PCSK5: variants seen among roughly 807,000 people sequenced by gnomAD.
The protein encoded by PCSK5 is prohormone convertase 5.
In PCSK5, 129 loss-of-function variants were observed where a neutral mutation model predicts 233.2. The observed-to-expected ratio is 0.55, with a 90% confidence interval of 0.48 to 0.64. The LOEUF (loss-of-function observed/expected upper bound fraction) is 0.64, where lower values mean the gene tolerates loss of function less well. Among genes scored for constraint, PCSK5 ranks in the 30% least tolerant of loss-of-function variants. The pLI is 0.00. For missense variants in PCSK5, 2,076 were observed against 2,430.1 expected (o/e 0.85, Z 3.06); for synonymous variants, 825 against 879.2 (o/e 0.94, Z 1.09).
chr9:76,133,694 T>C (rs1564051861), intron 9 of PCSK5, among the ~76,000 whole-genome samples: 1 of 152,052 alleles, frequency 6.6e-6, no homozygotes, highest in Non-Finnish European at 1.5e-5. Context: ...TACCAAACTA[T>C]TCAATGATTA....
chr9:76,263,746 T>G (rs1827253663), intron 24 of PCSK5, among the ~76,000 whole-genome samples: 1 of 151,710 alleles, frequency 6.6e-6, no homozygotes, highest in Admixed American at 6.6e-5. Flanking sequence ...ACCTGCACAT[T>G]GTGCACATGT....
In PCSK5 at chr9:76,189,766, T is replaced by G. The variant is rs1466995757; in HGVS notation, c.2626+20T>G. On this transcript the variant is annotated intron_variant, in intron 20 of 37. Coordinates refer to ENST00000674117, the MANE Select transcript of PCSK5 (RefSeq NM_001372043.1). The stretch of plus-strand genomic sequence containing the variant: ...AGGATGGTGAGTACAACTGCCCATA[T>G]CGATCTTATGAAGCAAAGTATGATC... 8.0e-7 allele frequency: 1 copy of G among 1,250,380 alleles called. No homozygotes were observed. Among genetic ancestry groups the G allele is most frequent in the East Asian group, 2.3e-5 (1 of 43,142 alleles). The allele number at this position is 1,250,380 out of a possible 1,614,324, so 77.5% of individuals were successfully genotyped here.
intron 1 of PCSK5, among the ~76,000 whole-genome samples, chr9:75,899,280 A>G (rs1261242385): frequency 6.6e-6 from 1 of 152,226 alleles, no homozygotes; most frequent in Non-Finnish European, 1.5e-5. Flanking sequence ...AAGGTATACA[A>G]CATGATATTT....
intron 8 of PCSK5, among the ~76,000 whole-genome samples, chr9:76,101,551 T>G (rs1013280273): frequency 6.6e-6 from 1 of 152,208 alleles, no homozygotes; most frequent in African/African-American, 2.4e-5. Context: ...TTAAATTATC[T>G]CTTTCTTTTG....
chr9:76,311,022 G>C (rs1198601620), intron 30 of PCSK5, among the ~76,000 whole-genome samples, 171 bp downstream of exon 30: 1 of 152,080 alleles, frequency 6.6e-6, no homozygotes, highest in Non-Finnish European at 1.5e-5. Flanking sequence ...ACTTACATGA[G>C]GCCAGATGCC....
chr9:76,106,171 A>G (rs947747901), intron 8 of PCSK5, among the ~76,000 whole-genome samples: 1 of 152,192 alleles, frequency 6.6e-6, no homozygotes, highest in Non-Finnish European at 1.5e-5. Context: ...TCTGTAATAT[A>G]TGGTAATATA....
At chr9:76,146,326 TA>T (rs150900509) in intron 10 of PCSK5, among the ~76,000 whole-genome samples, 12 of 150,560 alleles carry the variant, frequency 8.0e-5, no homozygotes, top group Non-Finnish European at 1.5e-4. Flanking sequence ...TTAGCTCTAA[TA>T]AAAAAAAATA....
At chr9:76,063,319 C>CTTTTT (rs1157596601) in intron 5 of PCSK5, among the ~76,000 whole-genome samples, 1,533 of 59,746 alleles carry the variant, frequency 0.026, no homozygotes, top group Non-Finnish European at 0.028. Context: ...TTTCTTTTTT[C>CTTTTT]TTTTTTTTTT....
intron 3 of PCSK5, among the ~76,000 whole-genome samples, chr9:75,988,625 G>T (rs1055387947): frequency 2.0e-5 from 3 of 151,982 alleles, no homozygotes; most frequent in African/African-American, 7.3e-5. Context: ...CTGTATTGCT[G>T]AGCCTGGTCT....
chr9:76,025,762 A>G (rs2131492193), intron 4 of PCSK5, among the ~76,000 whole-genome samples: 1 of 152,282 alleles, frequency 6.6e-6, no homozygotes, highest in East Asian at 1.9e-4. Flanking sequence ...ACTGAAAAAG[A>G]CATAGGGCAG....
intron 5 of PCSK5, among the ~76,000 whole-genome samples, chr9:76,028,468 G>T (rs966808807): frequency 6.6e-6 from 1 of 152,124 alleles, no homozygotes; most frequent in African/African-American, 2.4e-5. Flanking sequence ...GATTGGTCAG[G>T]CTGGAGATGG....
intron 3 of PCSK5, among the ~76,000 whole-genome samples, chr9:76,018,369 C>G (rs987420466): frequency 2.6e-5 from 4 of 152,206 alleles, no homozygotes; most frequent in Admixed American, 2.6e-4. Flanking sequence ...TGATCGCGGC[C>G]TGTTAGGAAC....
At position 75,950,150 on chromosome 9, in the gene PCSK5, G is replaced by T. The variant is rs1303843194; in HGVS notation, c.297+17667G>T. On this transcript the variant is annotated intron_variant, in intron 2 of 37. Transcript: ENST00000674117. Reference sequence around the variant, plus strand: ...ACACACTTGTGTGTGTGTGTGGGGGGGGCGGGGAGGGGGGAACTGCTACAG... The same window carrying T: ...ACACACTTGTGTGTGTGTGTGGGGGTGGCGGGGAGGGGGGAACTGCTACAG... Among the ~76,000 whole-genome samples the T allele has an allele frequency of 7.1e-5, 10 of 141,594 alleles. 1 individual carries two copies. The highest frequency in any genetic ancestry group is 1.2e-4 in the Non-Finnish European group (8 of 64,764). The allele number at this position is 141,594 out of a possible 152,430, so 92.9% of individuals were successfully genotyped here.
rs548856320 is a variant in PCSK5 at position 76,353,668 on chromosome 9, C to T, written c.5068-365C>T. Among the ~76,000 whole-genome samples, 15 of 152,240 alleles carry T rather than the reference C, an allele frequency of 9.9e-5. 1 individual carries two copies. The highest frequency in any genetic ancestry group is 6.8e-3 in the Middle Eastern group (2 of 294). ...TGTGAAATATCCCACTTTTGAGATG[C>T]GGGAAATGAATGCAAAATATTTTAA... On this transcript the variant is annotated intron_variant, in intron 36 of 37. Coordinates refer to ENST00000674117, the MANE Select transcript of PCSK5 (RefSeq NM_001372043.1).
chr9:76,345,469 A>G (rs1038290930), intron 35 of PCSK5, among the ~76,000 whole-genome samples: 21 of 152,270 alleles, frequency 1.4e-4, no homozygotes, highest in African/African-American at 4.6e-4. Context: ...CCCAGGCTGG[A>G]GTGCAGTGGC....
At chr9:75,905,055 A>G (rs972504205) in intron 1 of PCSK5, among the ~76,000 whole-genome samples, 5 of 152,224 alleles carry the variant, frequency 3.3e-5, no homozygotes, top group Admixed American at 6.5e-5. Context: ...ACAAAAGGCC[A>G]CATTATTGTA....
chr9:76,184,635 T>C (rs761858318), intron 16 of PCSK5, 38 bp from the exon 17 acceptor site: 1 of 1,361,628 alleles, frequency 7.3e-7, no homozygotes, highest in South Asian at 1.2e-5. Context: ...GGAATCCAAT[T>C]GACCAACTGA....
chr9:76,281,207 C>T (rs1037587527), intron 24 of PCSK5, among the ~76,000 whole-genome samples: 2 of 152,214 alleles, frequency 1.3e-5, no homozygotes, highest in Non-Finnish European at 2.9e-5. Context: ...GGTGGAACAG[C>T]CTTCCATTGG....
At chr9:75,925,395 T>C (rs572463699) in intron 1 of PCSK5, among the ~76,000 whole-genome samples, 8 of 152,336 alleles carry the variant, frequency 5.3e-5, no homozygotes, top group Non-Finnish European at 1.2e-4. Context: ...TATTCATTCA[T>C]TGCTTTATTC....
Sources: allele counts gnomAD v4.1 joint callset (sites outside exome capture counted in the v4.1 genomes callset), GRCh38; gene constraint gnomAD v4.1.1; transcripts MANE v1.5; gene names NCBI Gene and HGNC (gene_info 2026-07-23, HGNC 2026-07-21).